The following DIXDC1 variants were observed in gnomAD, a reference collection of about 807,000 sequenced individuals.
DIXDC1 encodes DIX domain containing 1.
In DIXDC1, 64 loss-of-function variants were observed where a neutral mutation model predicts 103.1. The ratio of observed to expected loss-of-function variants is 0.62; its 90% CI spans 0.51 to 0.76. The LOEUF (loss-of-function observed/expected upper bound fraction) is 0.76, where lower values mean the gene tolerates loss of function less well. Ranked by LOEUF, DIXDC1 falls within the 30% of genes least tolerant of loss-of-function variation. The pLI is 0.00. For synonymous variants in DIXDC1, 266 were observed against 298.5 expected (o/e 0.89, Z 1.12); for missense variants, 759 against 834.2 (o/e 0.91, Z 1.11).
At chr11:112,006,537 G>A (rs1414320567) in intron 17 of DIXDC1, among the ~76,000 whole-genome samples, 4 of 152,210 alleles carry the variant, frequency 2.6e-5, no homozygotes, top group Non-Finnish European at 5.9e-5. Context: ...CCCAGTAGGG[G>A]ATGACTTACA....
intron 10 of DIXDC1, among the ~76,000 whole-genome samples, chr11:111,991,945 G>C (rs1370642805): frequency 6.6e-6 from 1 of 152,126 alleles, no homozygotes; most frequent in East Asian, 1.9e-4. Flanking sequence ...CAGAGAGGTA[G>C]AAGGAAAAAC....
At chr11:111,937,643 C>G in intron 1 of DIXDC1, 84 bp downstream of exon 1, 1 of 1,411,220 alleles carries the variant, frequency 7.1e-7, no homozygotes, top group South Asian at 1.3e-5. Context: ...TCCTCCTCCT[C>G]CATCCTTTGG....
chr11:111,968,698 C>T, intron 3 of DIXDC1, 60 bp downstream of exon 3: 4 of 1,476,018 alleles, frequency 2.7e-6, no homozygotes, highest in Non-Finnish European at 2.7e-6. Flanking sequence ...GTGCTAGCCT[C>T]AGGAAAATCC....
intron 17 of DIXDC1, among the ~76,000 whole-genome samples, chr11:112,002,510 G>T (rs1555176121): frequency 6.6e-6 from 1 of 152,196 alleles, no homozygotes; most frequent in Non-Finnish European, 1.5e-5. Context: ...AATAGCCAAG[G>T]CTGGTCACAG....
chr11:111,990,043 G>C (rs1205288457), intron 10 of DIXDC1, among the ~76,000 whole-genome samples: 2 of 150,534 alleles, frequency 1.3e-5, no homozygotes, highest in African/African-American at 2.4e-5. Context: ...GCCCGCCTTG[G>C]CCTCCCAAAG....
intron 19 of DIXDC1, among the ~76,000 whole-genome samples, chr11:112,018,166 CAAT>C (rs1555177995): frequency 6.6e-6 from 1 of 152,158 alleles, no homozygotes; most frequent in East Asian, 1.9e-4. Flanking sequence ...GAACCTAAGA[CAAT>C]AAATAATTTT....
In DIXDC1 at chr11:112,008,141, A is replaced by AG. The variant is rs587610140; in HGVS notation, c.1757-8550_1757-8549insG. On this transcript the variant is annotated intron_variant, in intron 17 of 19. Transcript: ENST00000440460. ...CAAGCAAATGCAAAGCAAAAAAAAAAAAAAAAGAAAAGCAGGGATTGAAAT... is the reference window on the plus strand; with the variant it reads ...CAAGCAAATGCAAAGCAAAAAAAAAAGAAAAAAGAAAAGCAGGGATTGAAAT... 3.9e-5 allele frequency among the ~76,000 whole-genome samples: 6 copies of AG among 151,950 alleles called. No homozygotes were observed. In the South Asian group the frequency reaches 1.2e-3, roughly 32 times the overall value.
chr11:111,933,737 A>C (rs587671163), upstream of DIXDC1, among the ~76,000 whole-genome samples: 1 of 151,728 alleles, frequency 6.6e-6, no homozygotes, highest in Non-Finnish European at 1.5e-5. Flanking sequence ...GTCATTTAAA[A>C]TATTTTTATT....
intron 17 of DIXDC1, among the ~76,000 whole-genome samples, chr11:112,005,199 G>T (rs1861197494): frequency 6.6e-6 from 1 of 151,842 alleles, no homozygotes; most frequent in African/African-American, 2.4e-5. Flanking sequence ...TGATATAAAT[G>T]GATTTAAAAG....
chr11:111,931,086 T>G (rs1195467087), intron 2 of DIXDC1, among the ~76,000 whole-genome samples: 1 of 151,920 alleles, frequency 6.6e-6, no homozygotes, highest in Non-Finnish European at 1.5e-5. Flanking sequence ...ACTCCTGACC[T>G]CAAATGATCT....
Position 111,986,852 on chromosome 11 carries a change from CTGTT to C in DIXDC1, c.1009-15_1009-12del, listed in dbSNP as rs1860508394. ...TCACAGCATAGGTGCTTAGCCATCTCTGTTTGTCTTATATTCAGATTATAATCCA... is the reference window on the plus strand; with the variant it reads ...TCACAGCATAGGTGCTTAGCCATCTCTGTCTTATATTCAGATTATAATCCA... On this transcript the variant is annotated splice_polypyrimidine_tract_variant and intron_variant, in intron 8 of 19. Coordinates refer to ENST00000440460, the MANE Select transcript of DIXDC1 (RefSeq NM_001037954.4). 1 of 1,558,694 alleles carries C rather than the reference CTGTT, an allele frequency of 6.4e-7. No individual in the cohort carries two copies. Among genetic ancestry groups the C allele is most frequent in the Admixed American group, 1.9e-5 (1 of 51,752 alleles).
intron 17 of DIXDC1, 118 bp from the exon 18 acceptor site, chr11:112,016,573 G>A (rs1861597647): frequency 1.3e-6 from 1 of 751,750 alleles, no homozygotes; most frequent in Non-Finnish European, 2.1e-6. Flanking sequence ...TGGCAAGGGT[G>A]TGAGAGCTGT....
Position 111,996,130 on chromosome 11 carries a change from C to G in DIXDC1, c.1740C>G (p.Ser580=). The change falls in exon 17 of 20, where the codon TCC becomes TCG. Residue 580 remains serine, a synonymous_variant. Coordinates refer to ENST00000440460, the MANE Select transcript of DIXDC1 (RefSeq NM_001037954.4). ...RTQVGSEYRE[S]WPPNSKLPHS... is the part of the protein sequence containing the mutation. ...AAGTAGGTAGTGAATACCGGGAGTCCTGGCCCCCTAACTCAAGTAAGTACC... is the reference window on the plus strand; with the variant it reads ...AAGTAGGTAGTGAATACCGGGAGTCGTGGCCCCCTAACTCAAGTAAGTACC... The G allele has an allele frequency of 6.2e-7, 1 of 1,613,700 alleles. No homozygotes were observed. Among genetic ancestry groups the G allele is most frequent in the Non-Finnish European group, 8.5e-7 (1 of 1,179,770 alleles).
intron 17 of DIXDC1, 144 bp downstream of exon 17, chr11:111,996,290 G>A: frequency 1.5e-6 from 1 of 686,534 alleles, no homozygotes; most frequent in Non-Finnish European, 2.4e-6. Context: ...TACTGCAATT[G>A]AGTTAGTTCT....
chr11:111,990,929 A>T (rs587638220), intron 10 of DIXDC1, among the ~76,000 whole-genome samples: 55 of 151,730 alleles, frequency 3.6e-4, no homozygotes, highest in African/African-American at 1.3e-3. Flanking sequence ...CTGGTCTCGA[A>T]CTCCTGACCT....
intron 1 of DIXDC1, chr11:111,946,749 C>T: frequency 2.1e-6 from 1 of 476,608 alleles, no homozygotes. Flanking sequence ...GGCCTGGGCA[C>T]ACGCCACATG....
At chr11:111,994,854 A>G (rs895814684) in intron 14 of DIXDC1, among the ~76,000 whole-genome samples, 165 bp from the exon 15 acceptor site, 6 of 152,054 alleles carry the variant, frequency 3.9e-5, no homozygotes, top group African/African-American at 9.7e-5. Context: ...CCAAAAGGGG[A>G]AAAAAAATCT....
chr11:112,008,570 C>A (rs965890342), intron 17 of DIXDC1, among the ~76,000 whole-genome samples: 1 of 152,194 alleles, frequency 6.6e-6, no homozygotes, highest in South Asian at 2.1e-4. Flanking sequence ...AAGCACTCTT[C>A]AGCAAATGTA....
chr11:111,935,828 C>A (rs1166915552), upstream of DIXDC1, among the ~76,000 whole-genome samples: 1 of 152,190 alleles, frequency 6.6e-6, no homozygotes, highest in Non-Finnish European at 1.5e-5. Context: ...CCAGCATTAG[C>A]CAGAATTGAA....
Sources: gnomAD v4.1 joint callset for allele counts (sites outside exome capture counted in the v4.1 genomes callset) on GRCh38, gnomAD v4.1.1 for gene constraint, MANE v1.5 for transcripts, NCBI Gene and HGNC (gene_info 2026-07-23, HGNC 2026-07-21) for gene names.